The following PDE9A variants were observed in gnomAD, a reference collection of about 807,000 sequenced individuals.
PDE9A encodes the protein phosphodiesterase 9A.
A neutral mutation model predicts 87.4 loss-of-function variants in PDE9A; 60 were observed. The observed-to-expected ratio is 0.69, with a 90% CI of 0.56 to 0.85. PDE9A has a LOEUF of 0.85. Ranked by LOEUF, PDE9A falls within the 40% of genes least tolerant of loss-of-function variation. The pLI is 0.00. For missense variants in PDE9A, 665 were observed against 779.0 expected, an observed-to-expected ratio of 0.85 and a Z score of 1.74; for synonymous variants, 272 against 279.4, an observed-to-expected ratio of 0.97 and a Z score of 0.27.
At chr21:42,670,214 TTC>T (rs2058355010) in intron 1 of PDE9A, among the ~76,000 whole-genome samples, 1 of 118,830 alleles carries the variant, frequency 8.4e-6, no homozygotes, top group African/African-American at 4.6e-5. Context: ...TACACTTACA[TTC>T]ACACACATAC....
In PDE9A at chr21:42,692,487, A is replaced by C. The variant is rs900660306; in HGVS notation, c.218+4493A>C. Among the ~76,000 whole-genome samples, 19 of 152,006 alleles carry C rather than the reference A, an allele frequency of 1.2e-4. No homozygotes were observed. The highest frequency in any genetic ancestry group is 2.2e-4 in the Non-Finnish European group (15 of 67,980). On this transcript the variant is annotated intron_variant, in intron 3 of 19. Coordinates refer to ENST00000291539, the MANE Select transcript of PDE9A (RefSeq NM_002606.3). The surrounding 1 kb of genome is among the most constrained non-coding windows in gnomAD (Gnocchi z 4.3). ...TGTCGCTGTCCTCTCACCCTCCCCC[A>C]ATCTTCCAACCTAGTAGTTCTCAGA...
At chr21:42,689,980 TGAA>T (rs2059701987) in intron 3 of PDE9A, 1 of 865,882 alleles carries the variant, frequency 1.2e-6, no homozygotes. Flanking sequence ...AGGATACAGG[TGAA>T]GAAGATGGAG....
chr21:42,748,468 A>G (rs2054097262), intron 8 of PDE9A, among the ~76,000 whole-genome samples: 1 of 152,246 alleles, frequency 6.6e-6, no homozygotes, highest in Non-Finnish European at 1.5e-5. Context: ...ATCACGGGGA[A>G]GAGACGGCAG....
At chr21:42,693,087 AC>A (rs2146263339) in intron 3 of PDE9A, among the ~76,000 whole-genome samples, 1 of 152,240 alleles carries the variant, frequency 6.6e-6, no homozygotes, top group East Asian at 1.9e-4. Flanking sequence ...TGACACGGTG[AC>A]CCACGGGGCC....
chr21:42,660,189 G>C lies in PDE9A; in HGVS notation c.69+6306G>C, dbSNP rs1452958869. Among the ~76,000 whole-genome samples, 2 of 152,178 alleles carry C rather than the reference G, an allele frequency of 1.3e-5. No homozygotes were observed. Among genetic ancestry groups the C allele is most frequent in the African/African-American group, 4.8e-5 (2 of 41,450 alleles). On this transcript the variant is annotated intron_variant, in intron 1 of 19. Coordinates refer to ENST00000291539, the MANE Select transcript of PDE9A (RefSeq NM_002606.3). This position sits in a 1 kb window ranked among gnomAD's most constrained non-coding sequence, Gnocchi z 4.7. ...CCGCACTCCTGGGAAATTTCAGAAGGTTTTGGGCAAGAAGGGCCCAGAGAG... is the reference window on the plus strand; with the variant it reads ...CCGCACTCCTGGGAAATTTCAGAAGCTTTTGGGCAAGAAGGGCCCAGAGAG...
chr21:42,691,624 CCAT>C (rs1331772055), intron 3 of PDE9A, among the ~76,000 whole-genome samples: 1 of 151,800 alleles, frequency 6.6e-6, no homozygotes, highest in African/African-American at 2.4e-5. Flanking sequence ...AGCCCCATCA[CCAT>C]CATCATCCAG....
intron 17 of PDE9A, among the ~76,000 whole-genome samples, chr21:42,769,527 GGCACACACAGGCACACAAAT>G (rs2056771220): frequency 1.1e-5 from 1 of 92,458 alleles, no homozygotes; most frequent in African/African-American, 4.5e-5. Context: ...AAGGCACACA[GGCACACACAGGCACACAAAT>G]GCACACACAG....
chr21:42,718,960 C>T (rs916750048), intron 4 of PDE9A, among the ~76,000 whole-genome samples: 4 of 151,816 alleles, frequency 2.6e-5, no homozygotes, highest in Admixed American at 2.6e-4. Flanking sequence ...GAACTTCGTG[C>T]AGCCTGGTTT....
At chr21:42,709,881 T>A (rs2049159030) in intron 4 of PDE9A, among the ~76,000 whole-genome samples, 1 of 152,190 alleles carries the variant, frequency 6.6e-6, no homozygotes. Context: ...GTTTGTAAGA[T>A]CCATTCGTGC....
chr21:42,741,053 A>C (rs1470575336), intron 7 of PDE9A: 1 of 152,230 alleles, frequency 6.6e-6, no homozygotes, highest in Non-Finnish European at 1.5e-5. Context: ...CCCTGTTTGC[A>C]GTCTACACCG....
rs1405614957 is a variant in PDE9A at position 42,704,159 on chromosome 21, C to T, written c.262+5148C>T. 2.6e-5 allele frequency among the ~76,000 whole-genome samples: 4 copies of T among 152,186 alleles called. No homozygotes were observed. The highest frequency in any genetic ancestry group is 6.5e-5 in the Admixed American group (1 of 15,276). Reference sequence around the variant, plus strand: ...GACTTCCCTCTTCAGAGAGGATGAGCGGCCACACGGAAGGCCAGGCTGGGT... The same window carrying T: ...GACTTCCCTCTTCAGAGAGGATGAGTGGCCACACGGAAGGCCAGGCTGGGT... On this transcript the variant is annotated intron_variant, in intron 4 of 19. Coordinates refer to ENST00000291539, the MANE Select transcript of PDE9A (RefSeq NM_002606.3). This position sits in a 1 kb window ranked among gnomAD's most constrained non-coding sequence, Gnocchi z 5.3.
chr21:42,763,824 C>G (rs1223551336), intron 14 of PDE9A, among the ~76,000 whole-genome samples: 2 of 152,224 alleles, frequency 1.3e-5, no homozygotes, highest in Admixed American at 1.3e-4. Flanking sequence ...AGAGCAGCAG[C>G]CTCTTCTACC....
At chr21:42,740,588 TG>T in intron 7 of PDE9A, among the ~76,000 whole-genome samples, 1 of 42,460 alleles carries the variant, frequency 2.4e-5, no homozygotes. Context: ...GATGGGTGGA[TG>T]GATGGATGGA....
chr21:42,746,301 C>T (rs2053842387), intron 8 of PDE9A, among the ~76,000 whole-genome samples: 1 of 152,208 alleles, frequency 6.6e-6, no homozygotes, highest in African/African-American at 2.4e-5. Context: ...GTAACGAATT[C>T]TCATAAACTG....
rs1555920815 is a variant in PDE9A, at chr21:42,717,900, G to GGTTTTTTT, written c.263-13866_263-13865insTTTTGTTT. Among the ~76,000 whole-genome samples the GGTTTTTTT allele has an allele frequency of 1.3e-4, 19 of 150,906 alleles. No individual in the cohort carries two copies. In the South Asian group the frequency reaches 1.9e-3, roughly 15 times the overall value. ...TTTCTTCTCTGGCTGCTTTCTTTGG[G>GGTTTTTTT]GTTTGTTTGTTTGTTTGTTTGTTTT... On this transcript the variant is annotated intron_variant, in intron 4 of 19. Coordinates refer to ENST00000291539, the MANE Select transcript of PDE9A (RefSeq NM_002606.3).
intron 10 of PDE9A, among the ~76,000 whole-genome samples, chr21:42,756,545 G>T (rs2055065759): frequency 6.7e-6 from 1 of 148,340 alleles, no homozygotes; most frequent in Non-Finnish European, 1.5e-5. Flanking sequence ...ATGTGTTAGG[G>T]CCTCCGAGGG....
chr21:42,717,459 C>A (rs2050054135), intron 4 of PDE9A, among the ~76,000 whole-genome samples: 2 of 150,416 alleles, frequency 1.3e-5, no homozygotes, highest in Admixed American at 1.3e-4. Flanking sequence ...CCCACCCAGG[C>A]ACTCCACCCA....
chr21:42,763,815 G>T (rs1218057334), intron 14 of PDE9A, among the ~76,000 whole-genome samples: 1 of 152,216 alleles, frequency 6.6e-6, no homozygotes, highest in Admixed American at 6.5e-5. Context: ...CTTTATCAGA[G>T]AGCAGCAGCC....
At chr21:42,744,615 T>A (rs1295386561) in intron 8 of PDE9A, among the ~76,000 whole-genome samples, 2 of 152,192 alleles carry the variant, frequency 1.3e-5, no homozygotes, top group Non-Finnish European at 2.9e-5. Flanking sequence ...ACAGAAGTCA[T>A]TCTCCTGGGA....
Sources: gnomAD v4.1 joint callset for allele counts (sites outside exome capture counted in the v4.1 genomes callset) on GRCh38, gnomAD v4.1.1 for gene constraint, Gnocchi (gnomAD v3.1) non-coding constraint, MANE v1.5 for transcripts, NCBI Gene and HGNC (gene_info 2026-07-23, HGNC 2026-07-21) for gene names.